CGGBP1: variants seen among roughly 807,000 people sequenced by gnomAD.
The protein encoded by CGGBP1 is CGG triplet repeat-binding protein 1.
CGGBP1 carries 4 observed loss-of-function variants against 11.4 expected under a neutral mutation model. That is an observed-to-expected ratio of 0.35 (90% CI 0.17 to 0.80). The LOEUF (loss-of-function observed/expected upper bound fraction) is 0.80, where lower values mean the gene tolerates loss of function less well. Among genes scored for constraint, CGGBP1 ranks in the 30% least tolerant of loss-of-function variants. The pLI, the probability that CGGBP1 is intolerant of heterozygous loss-of-function variation, is 0.52. For missense variants in CGGBP1, 135 were observed against 202.1 expected, an observed-to-expected ratio of 0.67 and a Z score of 2.01; for synonymous variants, 76 against 74.1, an observed-to-expected ratio of 1.03 and a Z score of -0.13.
intron 2 of CGGBP1, among the ~76,000 whole-genome samples, chr3:88,137,022 C>G (rs139685518): frequency 0.026 from 3,993 of 151,736 alleles, 411 homozygotes; most frequent in Admixed American, 0.2. Flanking sequence ...TGGTGAAACC[C>G]CATCTCTACT....
At chr3:88,125,074 G>T (rs1230663986) in intron 2 of CGGBP1, among the ~76,000 whole-genome samples, 1 of 151,830 alleles carries the variant, frequency 6.6e-6, no homozygotes, top group African/African-American at 2.4e-5. Context: ...AATTAGCTGG[G>T]CATGGTGACA....
At chr3:88,107,707 T>TA (rs1185620015) in intron 2 of CGGBP1, among the ~76,000 whole-genome samples, 1 of 152,152 alleles carries the variant, frequency 6.6e-6, no homozygotes, top group Non-Finnish European at 1.5e-5. Context: ...ATTTTTCAGA[T>TA]TTTTTCAGTG....
At chr3:88,088,855 C>T (rs9834468) in intron 2 of CGGBP1, among the ~76,000 whole-genome samples, 118,749 of 151,606 alleles carry the variant, frequency 0.78, 47,431 homozygotes, top group South Asian at 0.91. Flanking sequence ...TCACTGCAAC[C>T]TACATCTCCT....
At chr3:88,102,498 G>A (rs991716881) in intron 2 of CGGBP1, among the ~76,000 whole-genome samples, 8 of 152,118 alleles carry the variant, frequency 5.3e-5, no homozygotes, top group Admixed American at 2.0e-4. Flanking sequence ...GTGCAAAAGC[G>A]TGATGAAGGT....
intron 2 of CGGBP1, among the ~76,000 whole-genome samples, chr3:88,085,943 T>C (rs186457469): frequency 6.6e-6 from 1 of 152,314 alleles, no homozygotes; most frequent in Non-Finnish European, 1.5e-5. Context: ...TATTTTAATA[T>C]TGAATAATTG....
chr3:88,091,631 C>T (rs1280375284), intron 2 of CGGBP1, among the ~76,000 whole-genome samples: 5 of 152,130 alleles, frequency 3.3e-5, no homozygotes, highest in African/African-American at 1.2e-4. Context: ...TGAATTGTAG[C>T]TTCCATAATC....
At chr3:88,149,819 C>G in exon 1 of CGGBP1, 1 of 542,336 alleles carries the variant, frequency 1.8e-6, no homozygotes, top group South Asian at 2.0e-5. Flanking sequence ...CAGCACTTCC[C>G]TTAATTGAGA....
upstream of CGGBP1, among the ~76,000 whole-genome samples, chr3:88,060,392 T>C (rs1326290219): frequency 6.6e-6 from 1 of 152,184 alleles, no homozygotes; most frequent in Non-Finnish European, 1.5e-5. Flanking sequence ...GGGTAAAGTT[T>C]GTGTACTCTG....
At chr3:88,074,014 AGTTTTAATTTGAG>A (rs1039108265) in intron 2 of CGGBP1, among the ~76,000 whole-genome samples, 4 of 152,296 alleles carry the variant, frequency 2.6e-5, no homozygotes, top group African/African-American at 9.6e-5. Context: ...TTTCCTTTCC[AGTTTTAATTTGAG>A]GTTTTAATTT....
At chr3:88,129,664 T>A in intron 2 of CGGBP1, 1 of 1,376,984 alleles carries the variant, frequency 7.3e-7, no homozygotes. Flanking sequence ...TTATATGAAC[T>A]GATTTCTCTT....
chr3:88,128,691 T>C, intron 2 of CGGBP1: 1 of 663,822 alleles, frequency 1.5e-6, no homozygotes, highest in East Asian at 2.8e-5. Flanking sequence ...CTAAGGAAAA[T>C]GCTATTTAAG....
chr3:88,059,758 G>A (rs115264808), upstream of CGGBP1, among the ~76,000 whole-genome samples: 1,885 of 152,134 alleles, frequency 0.012, 38 homozygotes, highest in African/African-American at 0.042. Flanking sequence ...AAAGAAGGAA[G>A]GTCGGCTGTC....
At chr3:88,067,354 G>T (rs1707256530) in intron 2 of CGGBP1, among the ~76,000 whole-genome samples, 1 of 152,216 alleles carries the variant, frequency 6.6e-6, no homozygotes, top group African/African-American at 2.4e-5. Context: ...TCCAAGGAGA[G>T]ATCTTAGAGA....
At chr3:88,133,957 C>A (rs1221498310) in intron 2 of CGGBP1, among the ~76,000 whole-genome samples, 3 of 151,816 alleles carry the variant, frequency 2.0e-5, no homozygotes, top group Non-Finnish European at 4.4e-5. Flanking sequence ...ATCAGTTTTG[C>A]AGGAATATGA....
chr3:88,093,215 G>A (rs1703854320), intron 2 of CGGBP1, among the ~76,000 whole-genome samples: 1 of 152,156 alleles, frequency 6.6e-6, no homozygotes, highest in African/African-American at 2.4e-5. Context: ...CCTTGTTTTA[G>A]ATTGGTTAAA....
intron 2 of CGGBP1, among the ~76,000 whole-genome samples, chr3:88,093,780 T>G (rs1703885966): frequency 6.6e-6 from 1 of 152,212 alleles, no homozygotes; most frequent in Non-Finnish European, 1.5e-5. Context: ...ATAATTTAAG[T>G]CTAGGCTTTC....
At chr3:88,141,746 C>T in intron 1 of CGGBP1, 1 of 1,009,436 alleles carries the variant, frequency 9.9e-7, no homozygotes, top group South Asian at 2.3e-5. Flanking sequence ...CCCTGATGGC[C>T]TTAATTTTAG....
chr3:88,097,992 C>A (rs1704168018), intron 2 of CGGBP1, among the ~76,000 whole-genome samples: 1 of 152,062 alleles, frequency 6.6e-6, no homozygotes, highest in South Asian at 2.1e-4. Flanking sequence ...CAGAGCAGAA[C>A]TGAAGGAGAT....
At chr3:88,057,516 A>C (rs1293129038) in intron 2 of CGGBP1, 2 of 152,154 alleles carry the variant, frequency 1.3e-5, no homozygotes, top group Non-Finnish European at 2.9e-5. Flanking sequence ...ACCAATTATG[A>C]TTAATGGTTC....
Sources: allele counts gnomAD v4.1 joint callset (sites outside exome capture counted in the v4.1 genomes callset), GRCh38; gene constraint gnomAD v4.1.1; transcripts MANE v1.5; gene names NCBI Gene and HGNC (gene_info 2026-07-23, HGNC 2026-07-21).